The following TAOK2 variants were observed in gnomAD, a reference collection of about 807,000 sequenced individuals.
TAOK2 encodes the protein TAO kinase 2, also known as serine/threonine-protein kinase TAO2.
In TAOK2, 42 loss-of-function variants were observed where a neutral mutation model predicts 122.5. The observed-to-expected ratio is 0.34, with a 90% CI of 0.27 to 0.44. The LOEUF is 0.44. Ranked by LOEUF, TAOK2 falls within the 20% of genes least tolerant of loss-of-function variation. TAOK2 has a pLI of 1.00. For synonymous variants in TAOK2, 704 were observed against 677.6 expected, an observed-to-expected ratio of 1.04 and a Z score of -0.61; for missense variants, 1,264 against 1,644.9, an observed-to-expected ratio of 0.77 and a Z score of 4.01.
rs772164234 is a variant in TAOK2 at position 29,987,974 on chromosome 16, G to T, written c.3702G>T (p.Trp1234Cys). 6.5e-7 allele frequency: 1 copy of T among 1,527,856 alleles called. No homozygotes were observed. The highest frequency in any genetic ancestry group is 8.7e-7 in the Non-Finnish European group (1 of 1,144,282). The allele number at this position is 1,527,856 out of a possible 1,614,324, so 94.6% of individuals were successfully genotyped here. The part of the protein sequence containing the change: ...RTRQSRALPP[W>C]R ...GCCAGTCCCGGGCCCTGCCCCCCTGGAGGTAGCTGACTCCAGCCCTTCCAG... is the reference window on the plus strand; with the variant it reads ...GCCAGTCCCGGGCCCTGCCCCCCTGTAGGTAGCTGACTCCAGCCCTTCCAG... Residue 1234 changes from tryptophan (W) to cysteine (C), a missense_variant, in exon 16 of 16, where the codon TGG becomes TGT. Transcript: ENST00000308893.
At position 29,985,770 on chromosome 16, in the gene TAOK2, G is replaced by A. The variant is rs1444531731; in HGVS notation, c.1901G>A (p.Arg634Gln). 1.9e-6 allele frequency: 3 copies of A among 1,611,204 alleles called. No homozygotes were observed. The highest frequency in any genetic ancestry group is 1.1e-5 in the South Asian group (1 of 90,858). Residue 634 changes from arginine (R) to glutamine (Q), a missense_variant, in exon 15 of 16, where the codon CGG becomes CAG. Arg to Gln is a conservative substitution (Grantham distance 43). Transcript: ENST00000308893. The surrounding 1 kb of genome is among the most constrained non-coding windows in gnomAD (Gnocchi z 6.9). ...QAEEEAGLLR[R>Q]QRQYFELQCR... ...GAGGAGGAAGCAGGGCTGCTGCGGC[G>A]GCAGCGCCAGTACTTTGAGCTGCAG...
rs892541929 is a variant in TAOK2 at position 29,983,093 on chromosome 16, C to G, written c.1021C>G (p.Arg341Gly). 3.7e-6 allele frequency: 6 copies of G among 1,613,988 alleles called. No individual in the cohort carries two copies. The highest frequency in any genetic ancestry group is 2.7e-5 in the African/African-American group (2 of 75,000). ...EEEEAEPYMH[R>G]AGTLTSLESS... ...GCAGGAGGCCGAGCCCTACATGCAC[C>G]GGGCCGGGACTCTGACCAGCCTCGA... Residue 341 changes from arginine to glycine, a missense_variant, in exon 12 of 16, where the codon CGG (arginine) becomes GGG (glycine). Coordinates refer to ENST00000308893, the MANE Select transcript of TAOK2 (RefSeq NM_016151.4).
chr16:29,983,373 A>G (rs2069680409), intron 12 of TAOK2, 41 bp downstream of exon 12: 2 of 1,568,878 alleles, frequency 1.3e-6, no homozygotes, highest in African/African-American at 1.3e-5. Context: ...CACCTGCTCT[A>G]GAACTGCCTG....
Position 29,986,467 on chromosome 16 carries a change from A to T in TAOK2, c.2195A>T (p.His732Leu). 2 of 1,604,836 alleles carry T rather than the reference A, an allele frequency of 1.2e-6. No individual in the cohort carries two copies. The highest frequency in any genetic ancestry group is 1.7e-6 in the Non-Finnish European group (2 of 1,175,490). Residue 732 changes from histidine (H) to leucine (L), a missense_variant, in exon 16 of 16, where the codon CAT becomes CTT. Coordinates refer to ENST00000308893, the MANE Select transcript of TAOK2 (RefSeq NM_016151.4). This position sits in a 1 kb window ranked among gnomAD's most constrained non-coding sequence, Gnocchi z 4.2. Reference sequence around the variant, plus strand: ...CGTGAGCAAGAGTTGCGGCAGAAGCATGCGGCCCAGGTTCGCCAGCAGCCC... The same window carrying T: ...CGTGAGCAAGAGTTGCGGCAGAAGCTTGCGGCCCAGGTTCGCCAGCAGCCC... ...KRREQELRQK[H>L]AAQVRQQPKS...
intron 2 of TAOK2, 87 bp downstream of exon 2, chr16:29,977,991 T>C: frequency 1.9e-6 from 3 of 1,612,016 alleles, no homozygotes; most frequent in Non-Finnish European, 2.5e-6. Context: ...CACTACTCCA[T>C]CACACTGGTC....
intron 10 of TAOK2, among the ~76,000 whole-genome samples, chr16:29,982,322 G>A (rs1187766692): frequency 1.3e-5 from 2 of 152,182 alleles, no homozygotes; most frequent in African/African-American, 4.8e-5. Context: ...CAAAAATGGA[G>A]GGGCCCCATT....
chr16:29,986,458 G>A lies in TAOK2; in HGVS notation c.2186G>A (p.Arg729Gln), dbSNP rs2069796795. 6 of 1,605,784 alleles carry A rather than the reference G, an allele frequency of 3.7e-6. No individual in the cohort carries two copies. Among genetic ancestry groups the A allele is most frequent in the East Asian group, 2.2e-5 (1 of 44,788 alleles). ...EYNKRREQEL[R>Q]QKHAAQVRQQ... The stretch of plus-strand genomic sequence containing the variant: ...AACAAGCGGCGTGAGCAAGAGTTGC[G>A]GCAGAAGCATGCGGCCCAGGTTCGC... Residue 729 changes from arginine to glutamine, a missense_variant, in exon 16 of 16, where the codon CGG (arginine) becomes CAG (glutamine). Around this residue, in one of 4 missense-constraint regions of TAOK2, gnomAD observed 824 missense variants for 908.7 expected, o/e 0.91. Coordinates refer to ENST00000308893, the MANE Select transcript of TAOK2 (RefSeq NM_016151.4). This position sits in a 1 kb window ranked among gnomAD's most constrained non-coding sequence, Gnocchi z 4.2.
rs139763660 is a variant in TAOK2 at position 29,983,630 on chromosome 16, G to C, written c.1388G>C (p.Arg463Pro). Residue 463 changes from arginine to proline, a missense_variant, in exon 13 of 16, where the codon CGA (arginine) becomes CCA (proline). By Grantham distance (103) the Arg-to-Pro change is moderately radical. This residue lies in a region of TAOK2 where 122 missense variants were observed against 116.7 expected (regional missense o/e 1.04). Transcript: ENST00000308893. The part of the protein sequence containing the change: ...SARRRAYCRN[R>P]DHFATIRTAS... Reference sequence around the variant, plus strand: ...CGCCGCCGGGCCTACTGCCGTAACCGAGACCACTTTGCCACCATCCGAACC... The same window carrying C: ...CGCCGCCGGGCCTACTGCCGTAACCCAGACCACTTTGCCACCATCCGAACC... 1 of 1,613,160 alleles carries C rather than the reference G, an allele frequency of 6.2e-7. No individual in the cohort carries two copies. The highest frequency in any genetic ancestry group is 8.5e-7 in the Non-Finnish European group (1 of 1,179,950).
intron 9 of TAOK2, 22 bp from the exon 10 acceptor site, chr16:29,981,837 C>G: frequency 6.4e-7 from 1 of 1,551,584 alleles, no homozygotes; most frequent in Middle Eastern, 1.7e-4. Context: ...CCACCCCTCT[C>G]CCACCCTCCT....
downstream of TAOK2, chr16:29,991,959 G>A (rs1012812079): frequency 6.0e-6 from 1 of 166,452 alleles, no homozygotes; most frequent in Admixed American, 6.4e-5. This position sits in a 1 kb window ranked among gnomAD's most constrained non-coding sequence, Gnocchi z 5.6. Context: ...GGCAGAGCAG[G>A]TCTGGGGCCT....
Position 29,978,788 on chromosome 16 carries a change from C to T in TAOK2, c.307-11C>T, listed in dbSNP as rs188572081. On this transcript the variant is annotated splice_polypyrimidine_tract_variant and intron_variant, in intron 4 of 15. Transcript: ENST00000308893. Reference sequence around the variant, plus strand: ...GGAGACTCTGATCTCTGACCCTTGTCTCTTCCTTAGCTGGTAATGGAGTAT... The same window carrying T: ...GGAGACTCTGATCTCTGACCCTTGTTTCTTCCTTAGCTGGTAATGGAGTAT... 842 of 1,614,056 alleles carry T rather than the reference C, an allele frequency of 5.2e-4. 3 individuals carry two copies. Among genetic ancestry groups the T allele is most frequent in the Admixed American group, 1.9e-3 (115 of 60,020 alleles).
intron 3 of TAOK2, 33 bp downstream of exon 3, chr16:29,978,193 C>CA: frequency 6.2e-7 from 1 of 1,613,994 alleles, no homozygotes; most frequent in Non-Finnish European, 8.5e-7. Flanking sequence ...AGGTTGGGGA[C>CA]AGGGGACTCC....
downstream of TAOK2, chr16:29,989,973 C>T (rs951588460): frequency 1.5e-6 from 1 of 658,110 alleles, no homozygotes; most frequent in African/African-American, 1.8e-5. Flanking sequence ...TCATATTCTC[C>T]TCAGTGGTTT....
chr16:29,976,497 A>T (rs988275998), intron 1 of TAOK2, among the ~76,000 whole-genome samples: 1 of 152,222 alleles, frequency 6.6e-6, no homozygotes, highest in African/African-American at 2.4e-5. Context: ...GGTGCTTTTG[A>T]GTAGCTAGAA....
rs892541929 is a variant in TAOK2 at position 29,983,093 on chromosome 16, C to T, written c.1021C>T (p.Arg341Trp). 30 of 1,613,870 alleles carry T rather than the reference C, an allele frequency of 1.9e-5. 1 individual carries two copies. The highest frequency in any genetic ancestry group is 1.6e-4 in the Middle Eastern group (1 of 6,084). The change falls in exon 12 of 16, where the codon CGG (arginine) becomes TGG (tryptophan). Residue 341 changes from arginine (R) to tryptophan (W), a missense_variant. This residue lies in a region of TAOK2 where 254 missense variants were observed against 503.8 expected (regional missense o/e 0.50). Coordinates refer to ENST00000308893, the MANE Select transcript of TAOK2 (RefSeq NM_016151.4). Reference protein sequence around the residue: ...EEEEAEPYMHRAGTLTSLESS... With the variant: ...EEEEAEPYMHWAGTLTSLESS... ...GCAGGAGGCCGAGCCCTACATGCAC[C>T]GGGCCGGGACTCTGACCAGCCTCGA...
At position 29,985,890 on chromosome 16, in the gene TAOK2, C is replaced by A. The variant is rs762587614; in HGVS notation, c.1992+29C>A. The A allele has an allele frequency of 6.2e-7, 1 of 1,602,804 alleles. No homozygotes were observed. The highest frequency in any genetic ancestry group is 8.5e-7 in the Non-Finnish European group (1 of 1,174,680). ...GGCATCCCAATCTCTGTTCCCCTCC[C>A]GCTCACTCGTGGATCCCAGGGACCC... On this transcript the variant is annotated intron_variant, in intron 15 of 15. Coordinates refer to ENST00000308893, the MANE Select transcript of TAOK2 (RefSeq NM_016151.4). This position sits in a 1 kb window ranked among gnomAD's most constrained non-coding sequence, Gnocchi z 6.9.
rs755300621 is a variant in TAOK2, at chr16:29,985,424, G to A, written c.1634G>A (p.Arg545Gln). 6.8e-6 allele frequency: 11 copies of A among 1,609,044 alleles called. No homozygotes were observed. Among genetic ancestry groups the A allele is most frequent in the Middle Eastern group, 1.7e-4 (1 of 6,024 alleles). The change falls in exon 14 of 16, where the codon CGG becomes CAG. Residue 545 changes from arginine to glutamine, a missense_variant. Transcript: ENST00000308893. The surrounding 1 kb of genome is among the most constrained non-coding windows in gnomAD (Gnocchi z 6.9). ...FGAEAEKLAR[R>Q]HQAIGEKEAR... ...GCAGAGGCAGAAAAGCTGGCCCGGC[G>A]GCACCAGGCCATAGGTGAGAAGGAG...
At chr16:29,989,877 G>A (rs2069926642), downstream of TAOK2, 7 of 1,505,004 alleles carry the variant, frequency 4.7e-6, no homozygotes, top group East Asian at 9.6e-5. Flanking sequence ...GAAATGGACG[G>A]TGCAGGGCAT....
downstream of TAOK2, chr16:29,991,321 G>A (rs372787160): frequency 8.1e-6 from 13 of 1,608,386 alleles, no homozygotes; most frequent in African/African-American, 4.0e-5. This position sits in a 1 kb window ranked among gnomAD's most constrained non-coding sequence, Gnocchi z 5.6. Context: ...CCAGCCTGGC[G>A]TCAGCCGTCT....
Sources: gnomAD v4.1 joint callset for allele counts (sites outside exome capture counted in the v4.1 genomes callset) on GRCh38, gnomAD v4.1.1 for gene constraint, gnomAD v4.1.1 regional missense constraint, Gnocchi (gnomAD v3.1) non-coding constraint, MANE v1.5 for transcripts, NCBI Gene and HGNC (gene_info 2026-07-23, HGNC 2026-07-21) for gene names.